The following KRT8 variants were observed in gnomAD, a reference collection of about 807,000 sequenced individuals.
The protein encoded by KRT8 is keratin 8.
A neutral mutation model predicts 43.0 loss-of-function variants in KRT8; 24 were observed. The ratio of observed to expected loss-of-function variants is 0.56; its 90% CI spans 0.40 to 0.78. KRT8 has a LOEUF of 0.78. Among genes scored for constraint, KRT8 ranks in the 30% least tolerant of loss-of-function variants. The probability of loss-of-function intolerance (pLI) is 0.00; values close to 1 mark genes in which losing one functional copy is unlikely to be tolerated. For missense variants in KRT8, 492 were observed against 638.4 expected, an observed-to-expected ratio of 0.77 and a Z score of 2.47; for synonymous variants, 214 against 261.2, an observed-to-expected ratio of 0.82 and a Z score of 1.74.
At chr12:52,945,222 G>A (rs1048270640) in intron 2 of KRT8, among the ~76,000 whole-genome samples, 1 of 152,064 alleles carries the variant, frequency 6.6e-6, no homozygotes, top group Admixed American at 6.6e-5. Context: ...TTCTCCTGTG[G>A]GAGGGCCCCC....
At chr12:52,948,156 A>T (rs1049722304) in intron 2 of KRT8, 2 of 152,080 alleles carry the variant, frequency 1.3e-5, no homozygotes, top group Non-Finnish European at 2.9e-5. Flanking sequence ...GGGAGTCTGC[A>T]CCTATTTGCT....
At chr12:52,938,922 A>T (rs999716704) in intron 2 of KRT8, among the ~76,000 whole-genome samples, 2 of 151,966 alleles carry the variant, frequency 1.3e-5, no homozygotes, top group Non-Finnish European at 1.5e-5. Context: ...TGGCCTACAA[A>T]TGAATTTTTA....
intron 2 of KRT8, among the ~76,000 whole-genome samples, chr12:52,914,795 T>C (rs1205914558): frequency 1.3e-5 from 2 of 152,226 alleles, no homozygotes; most frequent in African/African-American, 4.8e-5. Flanking sequence ...ACCAAGACTC[T>C]CTTCCTGTCT....
At chr12:52,931,003 G>A (rs1565730356) in intron 2 of KRT8, among the ~76,000 whole-genome samples, 1 of 151,444 alleles carries the variant, frequency 6.6e-6, no homozygotes, top group African/African-American at 2.4e-5. Context: ...TGGCTAGCAT[G>A]TTCTTGTCAA....
At chr12:52,920,325 C>T (rs1941856697) in intron 2 of KRT8, among the ~76,000 whole-genome samples, 1 of 151,610 alleles carries the variant, frequency 6.6e-6, no homozygotes, top group African/African-American at 2.4e-5. Context: ...AGCCCAGGCA[C>T]GGTGGCTCAC....
intron 2 of KRT8, chr12:52,946,774 T>C (rs1013670525): frequency 3.3e-5 from 5 of 152,256 alleles, no homozygotes; most frequent in Non-Finnish European, 7.3e-5. Flanking sequence ...CATTTGTATG[T>C]TATTTTGCAT....
chr12:52,907,471 G>C (rs1941545248), upstream of KRT8, among the ~76,000 whole-genome samples: 1 of 152,046 alleles, frequency 6.6e-6, no homozygotes, highest in African/African-American at 2.4e-5. Context: ...GCAGCACAAG[G>C]AGCAAAAAAA....
chr12:52,924,351 AG>A (rs1334472986), intron 2 of KRT8, among the ~76,000 whole-genome samples: 1 of 151,676 alleles, frequency 6.6e-6, no homozygotes, highest in East Asian at 2.0e-4. Context: ...AGGGAGGCTG[AG>A]GCAGGAGAAT....
In KRT8 at chr12:52,900,550, G is replaced by C. The variant is rs781374299; in HGVS notation, c.690+38C>G. 4 of 1,369,994 alleles carry C rather than the reference G, an allele frequency of 2.9e-6. No individual in the cohort carries two copies. The South Asian group carries it at 3.5e-5, about 12-fold the overall frequency. 84.9% of individuals were successfully genotyped at this position (1,369,994 alleles called of 1,614,324 possible). A position where few individuals can be genotyped will look rare whatever the true frequency, so the allele number is the denominator to read the frequency against. ...GTCTCAGGGTGGAGGCGCTGACAAG[G>C]CTGGGGGACCCTCACTCTCCTGCGA... On this transcript the variant is annotated intron_variant, in intron 4 of 7. Coordinates refer to ENST00000692008, the Ensembl canonical transcript of KRT8.
At chr12:52,936,454 TTA>T (rs1421130059) in intron 2 of KRT8, among the ~76,000 whole-genome samples, 1 of 152,168 alleles carries the variant, frequency 6.6e-6, no homozygotes, top group East Asian at 1.9e-4. Context: ...GACTATTATT[TTA>T]TGTTTTGTAG....
In KRT8 at chr12:52,916,961, G is replaced by A. The variant is rs182429703; in HGVS notation, c.-46-11934C>T. On this transcript the variant is annotated intron_variant, in intron 2 of 6. Transcript: ENST00000546826. ...GTTCCCAATGTGTATAGAACCTCAG[G>A]ACTGCCTGGAGGAATAGGGGACATT... 4.2e-3 allele frequency among the ~76,000 whole-genome samples: 643 copies of A among 152,264 alleles called. 4 individuals carry two copies. The highest frequency in any genetic ancestry group is 4.6e-3 in the Non-Finnish European group (315 of 68,030).
At chr12:52,946,358 T>C (rs1291406401) in intron 2 of KRT8, among the ~76,000 whole-genome samples, 2 of 152,200 alleles carry the variant, frequency 1.3e-5, no homozygotes, top group Non-Finnish European at 2.9e-5. Context: ...CCTGTATATA[T>C]TGAAGCCTTC....
chr12:52,930,160 T>C (rs1015635146), intron 2 of KRT8, among the ~76,000 whole-genome samples: 2 of 152,202 alleles, frequency 1.3e-5, no homozygotes, highest in East Asian at 1.9e-4. Flanking sequence ...TTGTTACTAT[T>C]ATTGCTGCTT....
intron 2 of KRT8, among the ~76,000 whole-genome samples, chr12:52,933,336 A>AT (rs1942115116): frequency 6.6e-6 from 1 of 152,368 alleles, no homozygotes; most frequent in Non-Finnish European, 1.5e-5. Flanking sequence ...TAAAACATAA[A>AT]ATATCTTCCA....
intron 2 of KRT8, among the ~76,000 whole-genome samples, chr12:52,921,029 C>A (rs1941875913): frequency 6.6e-6 from 1 of 152,230 alleles, no homozygotes; most frequent in Non-Finnish European, 1.5e-5. Flanking sequence ...ATAACCCCAA[C>A]TCAGATACAA....
At position 52,901,152 on chromosome 12, in the gene KRT8, C is replaced by G; in HGVS notation, c.594+7G>C. The G allele has an allele frequency of 6.3e-7, 1 of 1,588,678 alleles. No individual in the cohort carries two copies. The highest frequency in any genetic ancestry group is 8.6e-7 in the Non-Finnish European group (1 of 1,156,872). On this transcript the variant is annotated splice_region_variant and intron_variant, in intron 3 of 7. Transcript: ENST00000692008. ...GTGTCCAGATAGGAGAAGGGAGACT[C>G]CCTCACCTTCTTGATGAGGACAAAT...
In KRT8 at chr12:52,941,770, G is replaced by C. The variant is rs367806805; in HGVS notation, c.-47+7686C>G. Among the ~76,000 whole-genome samples the C allele has an allele frequency of 1.2e-3, 180 of 152,144 alleles. 7 individuals carry two copies. The South Asian group carries it at 0.036, about 31-fold the overall frequency. On this transcript the variant is annotated intron_variant, in intron 2 of 6. Transcript: ENST00000546826. The stretch of plus-strand genomic sequence containing the variant: ...CCCAAAATACTGGGATTACAGGTGT[G>C]AGCCACCGTGCCTGGCTTTTTACTC...
In KRT8 at chr12:52,925,158, G is replaced by A. The variant is rs1169492830; in HGVS notation, c.-46-20131C>T. On this transcript the variant is annotated intron_variant, in intron 2 of 6. Coordinates refer to the KRT8 transcript ENST00000546826. The stretch of plus-strand genomic sequence containing the variant: ...CAGTTTTCTGAAAATGGTGCGTTCA[G>A]ACAGCTCACTATTTCCTGTAGTAAT... Among the ~76,000 whole-genome samples the A allele has an allele frequency of 2.0e-5, 3 of 152,192 alleles. No individual in the cohort carries two copies. The East Asian group carries it at 5.8e-4, about 29-fold the overall frequency.
chr12:52,919,159 A>C (rs1941835466), intron 2 of KRT8, among the ~76,000 whole-genome samples: 1 of 152,150 alleles, frequency 6.6e-6, no homozygotes, highest in Non-Finnish European at 1.5e-5. Context: ...ACTGACGCCC[A>C]CTTGCTTTCC....
Sources: allele counts gnomAD v4.1 joint callset (sites outside exome capture counted in the v4.1 genomes callset), GRCh38; gene constraint gnomAD v4.1.1; transcripts MANE v1.5; gene names NCBI Gene and HGNC (gene_info 2026-07-23, HGNC 2026-07-21).